Variants in PCDH9 observed in about 807,000 individuals in gnomAD.
The protein encoded by PCDH9 is protocadherin-9.
PCDH9 carries 24 observed loss-of-function variants against 70.6 expected under a neutral mutation model. The observed-to-expected ratio is 0.34, with a 90% confidence interval of 0.25 to 0.48. The LOEUF (loss-of-function observed/expected upper bound fraction) is 0.48. PCDH9 is among the 20% of genes least tolerant of loss of function. The pLI, the probability that PCDH9 is intolerant of heterozygous loss-of-function variation, is 0.99. For synonymous variants in PCDH9, 562 were observed against 558.5 expected, an observed-to-expected ratio of 1.01 and a Z score of -0.09; for missense variants, 1,281 against 1,503.6, an observed-to-expected ratio of 0.85 and a Z score of 2.45.
chr13:66,471,488 T>A (rs1020756848), intron 4 of PCDH9, among the ~76,000 whole-genome samples: 1 of 152,214 alleles, frequency 6.6e-6, no homozygotes, highest in Non-Finnish European at 1.5e-5. Flanking sequence ...TCTCAGCTTG[T>A]GTATGTGTAA....
intron 2 of PCDH9, among the ~76,000 whole-genome samples, chr13:67,194,352 GT>G (rs1349937464): frequency 2.1e-5 from 3 of 142,696 alleles, no homozygotes; most frequent in East Asian, 4.2e-4. Flanking sequence ...ACTGAAATAA[GT>G]TTTTTAACTT....
intron 2 of PCDH9, among the ~76,000 whole-genome samples, chr13:67,011,478 T>A (rs1002338075): frequency 1.3e-4 from 19 of 151,876 alleles, no homozygotes; most frequent in Non-Finnish European, 2.4e-4. Context: ...AGATATCTGT[T>A]AAATTAATAC....
intron 2 of PCDH9, among the ~76,000 whole-genome samples, chr13:67,119,181 G>A (rs2086833599): frequency 6.6e-6 from 1 of 151,850 alleles, no homozygotes; most frequent in Admixed American, 6.6e-5. Flanking sequence ...TTTTTCTTTT[G>A]GGGTTTGTTT....
At chr13:66,425,006 C>T (rs1274798349) in intron 4 of PCDH9, among the ~76,000 whole-genome samples, 1 of 151,656 alleles carries the variant, frequency 6.6e-6, no homozygotes, top group East Asian at 1.9e-4. Context: ...TTATGACATG[C>T]CAGGATGGTC....
chr13:66,763,204 A>G (rs1424709094), intron 3 of PCDH9, among the ~76,000 whole-genome samples: 1 of 151,890 alleles, frequency 6.6e-6, no homozygotes, highest in African/African-American at 2.4e-5. Flanking sequence ...TATATTTTAT[A>G]TATAATCTAT....
intron 3 of PCDH9, among the ~76,000 whole-genome samples, chr13:66,739,562 T>A (rs2079220339): frequency 6.9e-6 from 1 of 144,150 alleles, no homozygotes; most frequent in Non-Finnish European, 1.5e-5. Context: ...GGATAAAGAG[T>A]CAAGACCCAT....
chr13:66,722,009 TC>T (rs1044518943), intron 3 of PCDH9, among the ~76,000 whole-genome samples: 1 of 152,176 alleles, frequency 6.6e-6, no homozygotes, highest in African/African-American at 2.4e-5. Flanking sequence ...GTCTGTTTCA[TC>T]CTCTTGGGTA....
intron 2 of PCDH9, among the ~76,000 whole-genome samples, chr13:67,044,004 C>T (rs570629244): frequency 2.4e-4 from 37 of 152,190 alleles, no homozygotes; most frequent in African/African-American, 7.9e-4. Flanking sequence ...TTAGGCCAGC[C>T]AATTCCTAAT....
chr13:66,825,447 C>T (rs1213611811), intron 3 of PCDH9, among the ~76,000 whole-genome samples: 1 of 147,688 alleles, frequency 6.8e-6, no homozygotes, highest in African/African-American at 2.5e-5. Context: ...CGCCATTCTC[C>T]TGCCTCAGCC....
At chr13:66,559,152 A>G (rs1223559258) in intron 4 of PCDH9, among the ~76,000 whole-genome samples, 1 of 152,194 alleles carries the variant, frequency 6.6e-6, no homozygotes, top group East Asian at 1.9e-4. Context: ...GTCAGGAGTA[A>G]AGAATGAAAG....
At chr13:67,177,558 T>C (rs2088496792) in intron 2 of PCDH9, among the ~76,000 whole-genome samples, 1 of 152,124 alleles carries the variant, frequency 6.6e-6, no homozygotes, top group Non-Finnish European at 1.5e-5. Flanking sequence ...ATTTCACTCC[T>C]CACCCCATTC....
intron 3 of PCDH9, among the ~76,000 whole-genome samples, chr13:66,636,791 C>A (rs193185789): frequency 1.3e-5 from 2 of 152,012 alleles, no homozygotes; most frequent in Admixed American, 1.3e-4. Flanking sequence ...AACACACATA[C>A]CATCAAGAAA....
chr13:66,733,406 C>A (rs935469683), intron 3 of PCDH9, among the ~76,000 whole-genome samples: 1 of 152,122 alleles, frequency 6.6e-6, no homozygotes, highest in Non-Finnish European at 1.5e-5. Context: ...TTCCTCCACA[C>A]TAATTATTTT....
intron 2 of PCDH9, among the ~76,000 whole-genome samples, chr13:66,919,486 T>C (rs749261463): frequency 6.6e-6 from 1 of 151,262 alleles, no homozygotes. Context: ...TGACAGGTAA[T>C]AGATTCTTAA....
At chr13:66,699,175 A>G (rs771325822) in intron 3 of PCDH9, among the ~76,000 whole-genome samples, 11 of 152,032 alleles carry the variant, frequency 7.2e-5, no homozygotes, top group African/African-American at 1.9e-4. Flanking sequence ...TGGCCTCCCA[A>G]AGTGCTGGGA....
chr13:67,032,297 C>G (rs191088916), intron 2 of PCDH9, among the ~76,000 whole-genome samples: 42 of 152,076 alleles, frequency 2.8e-4, no homozygotes, highest in Admixed American at 2.0e-3. Flanking sequence ...GTGCATGACC[C>G]CACACATACA....
intron 3 of PCDH9, among the ~76,000 whole-genome samples, chr13:66,794,542 C>G (rs1174980154): frequency 6.6e-6 from 1 of 152,118 alleles, no homozygotes; most frequent in East Asian, 1.9e-4. Flanking sequence ...GTGTCACTCA[C>G]TCTACCATCT....
At chr13:66,515,438 C>T (rs1241495383) in intron 4 of PCDH9, among the ~76,000 whole-genome samples, 1 of 151,478 alleles carries the variant, frequency 6.6e-6, no homozygotes, top group Non-Finnish European at 1.5e-5. Flanking sequence ...AATAAAAGTT[C>T]CACGGATAAA....
At chr13:67,130,117 TA>T (rs746304898) in intron 2 of PCDH9, among the ~76,000 whole-genome samples, 9 of 152,124 alleles carry the variant, frequency 5.9e-5, no homozygotes, top group Non-Finnish European at 2.9e-5. Context: ...AATTAAATAT[TA>T]AAACCTTGGT....
Sources: allele counts gnomAD v4.1 joint callset (sites outside exome capture counted in the v4.1 genomes callset), GRCh38; gene constraint gnomAD v4.1.1; transcripts MANE v1.5; gene names NCBI Gene and HGNC (gene_info 2026-07-23, HGNC 2026-07-21).